CCDC171: variants seen among roughly 807,000 people sequenced by gnomAD.
CCDC171 encodes the protein coiled-coil domain containing 171.
Under a neutral mutation model 168.2 loss-of-function variants are expected in CCDC171, and 177 were observed. The observed-to-expected ratio is 1.05, with a 90% CI of 0.93 to 1.19. The LOEUF is 1.19. Ranked by LOEUF, CCDC171 falls within the 50% of genes most tolerant of loss-of-function variation. CCDC171 has a pLI of 0.00. For missense variants in CCDC171, 1,991 were observed against 1,539.0 expected, an observed-to-expected ratio of 1.29 and a Z score of -4.91; for synonymous variants, 687 against 540.8, an observed-to-expected ratio of 1.27 and a Z score of -3.75.
intron 24 of CCDC171, among the ~76,000 whole-genome samples, chr9:15,877,669 T>G (rs913336307): frequency 8.5e-5 from 13 of 152,058 alleles, no homozygotes; most frequent in African/African-American, 2.7e-4. Flanking sequence ...ATTATAATAG[T>G]GAGAAGAATA....
chr9:15,664,695 T>G (rs1308297143), intron 8 of CCDC171, among the ~76,000 whole-genome samples: 1 of 42,952 alleles, frequency 2.3e-5, no homozygotes, highest in South Asian at 5.3e-4. Context: ...TATAGTTTTG[T>G]TTTTTTTTTT....
At chr9:15,827,276 G>A (rs948266418) in intron 21 of CCDC171, among the ~76,000 whole-genome samples, 7 of 152,132 alleles carry the variant, frequency 4.6e-5, no homozygotes, top group African/African-American at 1.7e-4. Flanking sequence ...GTGGAAGGGG[G>A]GACATGTGGG....
chr9:15,642,218 C>T (rs1280265667), intron 7 of CCDC171, among the ~76,000 whole-genome samples: 1 of 150,724 alleles, frequency 6.6e-6, no homozygotes, highest in African/African-American at 2.4e-5. Context: ...CAGTGTAATA[C>T]CTGTATTATA....
chr9:16,054,133 G>C (rs1391682292), intron 1 of CCDC171, among the ~76,000 whole-genome samples: 3 of 152,168 alleles, frequency 2.0e-5, no homozygotes, highest in Non-Finnish European at 1.5e-5. Context: ...GGAAAGATAT[G>C]GTCCTTCTCT....
chr9:15,584,538 G>C (rs1183445973), intron 4 of CCDC171, among the ~76,000 whole-genome samples: 1 of 152,178 alleles, frequency 6.6e-6, no homozygotes, highest in African/African-American at 2.4e-5. Flanking sequence ...AAGCCTGTTT[G>C]TTCAGTAGCA....
intron 18 of CCDC171, among the ~76,000 whole-genome samples, chr9:15,756,036 C>T (rs1458162755): frequency 1.3e-5 from 2 of 152,120 alleles, no homozygotes; most frequent in African/African-American, 4.8e-5. Context: ...AAGGCAAAAG[C>T]TTTCCCATAA....
intron 11 of CCDC171, among the ~76,000 whole-genome samples, chr9:15,716,746 A>T (rs986908801): frequency 6.6e-6 from 1 of 152,164 alleles, no homozygotes; most frequent in Non-Finnish European, 1.5e-5. Flanking sequence ...GACTTTTATA[A>T]CAAACCTACT....
the CCDC171 span, among the ~76,000 whole-genome samples, chr9:16,067,180 T>G: frequency 6.6e-6 from 1 of 152,076 alleles, no homozygotes; most frequent in Admixed American, 6.5e-5. Flanking sequence ...GGTATCTCAT[T>G]GTGGTTTTGA....
intron 3 of CCDC171, among the ~76,000 whole-genome samples, chr9:15,987,512 G>A (rs1490681163): frequency 3.9e-5 from 6 of 152,106 alleles, no homozygotes; most frequent in Non-Finnish European, 8.8e-5. Context: ...AATGGACAGA[G>A]ATTTGAAACA....
the CCDC171 span, among the ~76,000 whole-genome samples, chr9:16,069,073 G>T: frequency 6.6e-6 from 1 of 152,194 alleles, no homozygotes; most frequent in South Asian, 2.1e-4. Context: ...AGCACATGAG[G>T]TGGACTTCCT....
At chr9:15,763,369 G>A (rs1438754662) in intron 18 of CCDC171, among the ~76,000 whole-genome samples, 1 of 152,118 alleles carries the variant, frequency 6.6e-6, no homozygotes, top group Non-Finnish European at 1.5e-5. Flanking sequence ...TCAATATCTA[G>A]TTCTTTTCCT....
At chr9:16,041,578 T>G (rs10738425), upstream of CCDC171, among the ~76,000 whole-genome samples, 4 of 152,044 alleles carry the variant, frequency 2.6e-5, no homozygotes, top group African/African-American at 9.7e-5. Flanking sequence ...TAATTTATAT[T>G]TCTGAAATGT....
chr9:16,098,056 T>C, the CCDC171 span, among the ~76,000 whole-genome samples: 4 of 152,174 alleles, frequency 2.6e-5, no homozygotes, highest in East Asian at 7.7e-4. Flanking sequence ...ACGAAAACAA[T>C]CAGCGTAGCC....
chr9:15,954,124 G>A (rs184280532), intron 25 of CCDC171, among the ~76,000 whole-genome samples: 1 of 146,472 alleles, frequency 6.8e-6, no homozygotes. Flanking sequence ...CCAACTTTTG[G>A]TTTCATTGAT....
chr9:15,823,983 A>G (rs1393481286), intron 21 of CCDC171, among the ~76,000 whole-genome samples: 1 of 152,170 alleles, frequency 6.6e-6, no homozygotes, highest in Non-Finnish European at 1.5e-5. Flanking sequence ...CCACTTGAAG[A>G]AAACTTAATA....
At chr9:15,954,780 T>G (rs1261685710) in intron 25 of CCDC171, among the ~76,000 whole-genome samples, 2 of 152,058 alleles carry the variant, frequency 1.3e-5, no homozygotes, top group Non-Finnish European at 2.9e-5. Flanking sequence ...GTTTGTTTCT[T>G]TCTAGGCTTT....
chr9:15,772,037 T>C (rs992391636), intron 18 of CCDC171, among the ~76,000 whole-genome samples: 1 of 152,196 alleles, frequency 6.6e-6, no homozygotes, highest in Non-Finnish European at 1.5e-5. Context: ...TTTCTCTGTG[T>C]TGGCCAGGCT....
At chr9:16,089,762 G>T in the CCDC171 span, among the ~76,000 whole-genome samples, 6 of 151,318 alleles carry the variant, frequency 4.0e-5, no homozygotes, top group African/African-American at 1.5e-4. Context: ...ATCAAAAAAT[G>T]GGCAAAGGAT....
chr9:15,940,451 A>C (rs986601698), intron 25 of CCDC171, among the ~76,000 whole-genome samples: 7 of 151,928 alleles, frequency 4.6e-5, no homozygotes, highest in African/African-American at 1.7e-4. Flanking sequence ...AAGGATATAC[A>C]CAATAATTTC....
Sources: allele counts gnomAD v4.1 joint callset (sites outside exome capture counted in the v4.1 genomes callset), GRCh38; gene constraint gnomAD v4.1.1; transcripts MANE v1.5; gene names NCBI Gene and HGNC (gene_info 2026-07-23, HGNC 2026-07-21).